The following CACNG8 variants were observed in gnomAD, a reference collection of about 807,000 sequenced individuals.
CACNG8 encodes the protein calcium voltage-gated channel auxiliary subunit gamma 8.
CACNG8 carries 5 observed loss-of-function variants against 26.9 expected under a neutral mutation model. The ratio of observed to expected loss-of-function variants is 0.19; its 90% CI spans 0.10 to 0.39. The LOEUF (loss-of-function observed/expected upper bound fraction) is 0.39. CACNG8 is among the 10% of genes least tolerant of loss of function. The pLI is 1.00. For synonymous variants in CACNG8, 321 were observed against 296.7 expected (o/e 1.08, Z -0.84); for missense variants, 473 against 609.4 (o/e 0.78, Z 2.36).
chr19:53,982,385 C>CGCCGCTCCCGCT lies in CACNG8; in HGVS notation c.815_826dup (p.Arg275_Ser276insCysArgSerArg). 1 of 1,529,218 alleles carries CGCCGCTCCCGCT rather than the reference C, an allele frequency of 6.5e-7. No homozygotes were observed. The highest frequency in any genetic ancestry group is 8.7e-7 in the Non-Finnish European group (1 of 1,143,788). 94.7% of individuals were successfully genotyped at this position (1,529,218 alleles called of 1,614,324 possible). On this transcript the variant is annotated inframe_insertion, in exon 4 of 4. Transcript: ENST00000270458. The surrounding 1 kb of genome is among the most constrained non-coding windows in gnomAD (Gnocchi z 8.4). ...GCCCAGTTACCGCTTCCGCTACCGCCGCCGCTCCCGCTCTAGCTCCCGCTC... is the reference window on the plus strand; with the variant it reads ...GCCCAGTTACCGCTTCCGCTACCGCCGCCGCTCCCGCTGCCGCTCCCGCTCTAGCTCCCGCTC...
chr19:53,979,259 G>T (rs978687879), intron 2 of CACNG8, among the ~76,000 whole-genome samples: 19 of 146,390 alleles, frequency 1.3e-4, no homozygotes, highest in African/African-American at 4.8e-4. Flanking sequence ...GGAGAGAGGG[G>T]AGACAGAGCC....
chr19:53,981,935 G>GGGGGTCTAGACCACTCGGGGT (rs1384667549), intron 3 of CACNG8, 145 bp from the exon 4 acceptor site: 1 of 758,748 alleles, frequency 1.3e-6, no homozygotes, highest in African/African-American at 1.9e-5. Flanking sequence ...GATCCAGGAC[G>GGGGGTCTAGACCACTCGGGGT]GGGGTCTAGA....
At chr19:53,977,418 C>T (rs911106706) in intron 1 of CACNG8, among the ~76,000 whole-genome samples, 1 of 152,084 alleles carries the variant, frequency 6.6e-6, no homozygotes, top group Non-Finnish European at 1.5e-5. Context: ...TAACTGTTCC[C>T]AAGGATGAGA....
At position 53,982,599 on chromosome 19, in the gene CACNG8, CCGGGGGCGG is replaced by C. The variant is rs911237293; in HGVS notation, c.1032_1040del (p.Gly350_Gly352del). 1.1e-5 allele frequency: 11 copies of C among 964,550 alleles called. No individual in the cohort carries two copies. Among genetic ancestry groups the C allele is most frequent in the African/African-American group, 1.8e-5 (1 of 56,168 alleles). The allele number at this position is 964,550 out of a possible 1,614,324, so 59.7% of individuals were successfully genotyped here. On this transcript the variant is annotated inframe_deletion, in exon 4 of 4. Coordinates refer to ENST00000270458, the MANE Select transcript of CACNG8 (RefSeq NM_031895.6). This position sits in a 1 kb window ranked among gnomAD's most constrained non-coding sequence, Gnocchi z 8.4. ...GCGTTCGGCGGCGCGGCCGGGGGCG[CCGGGGGCGG>C]CGGCGGAGGCGGCGGCGGGGCGGGT...
In CACNG8 at chr19:53,963,346, CG is replaced by C. The variant is rs765329910; in HGVS notation, c.209del (p.Gly70AlafsTer27). The C allele has an allele frequency of 1.3e-6, 2 of 1,595,340 alleles. No homozygotes were observed. The highest frequency in any genetic ancestry group is 1.4e-5 in the African/African-American group (1 of 73,972). ...GCGGCGACGACGGGACCCCCCACCG[CG>C]GGGGCGGCGGCGCCTCGGAGAAGAA... On this transcript the variant is annotated frameshift_variant, in exon 1 of 4. Transcript: ENST00000270458. LOFTEE classifies it high-confidence loss of function.
rs537726556 is a variant in CACNG8 at position 53,971,176 on chromosome 19, C to T, written c.284-6970C>T. ...GTGCAGTGGTGGGCAACTGTAATTCCAGCTACTCGGGAGGCTGAGGCAGGA... is the reference window on the plus strand; with the variant it reads ...GTGCAGTGGTGGGCAACTGTAATTCTAGCTACTCGGGAGGCTGAGGCAGGA... On this transcript the variant is annotated intron_variant, in intron 1 of 3. Transcript: ENST00000270458. 9.9e-5 allele frequency among the ~76,000 whole-genome samples: 15 copies of T among 151,362 alleles called. No individual in the cohort carries two copies. The South Asian group carries it at 2.9e-3, about 29-fold the overall frequency.
rs1210930168 is a variant in CACNG8 at position 53,982,741 on chromosome 19, GCCCGCGCCCGCGCCA to G, written c.1180_1194del (p.Ala394_Pro398del). 3 of 1,164,872 alleles carry G rather than the reference GCCCGCGCCCGCGCCA, an allele frequency of 2.6e-6. No homozygotes were observed. The highest frequency in any genetic ancestry group is 4.7e-5 in the Admixed American group (1 of 21,486). The allele number at this position is 1,164,872 out of a possible 1,614,324, so 72.2% of individuals were successfully genotyped here. ...TCACGGTCACCGGGCCGCCCGCCCC[GCCCGCGCCCGCGCCA>G]CCCGCGCCCTCTGCGCCCGCCCCCG... On this transcript the variant is annotated inframe_deletion, in exon 4 of 4. Coordinates refer to ENST00000270458, the MANE Select transcript of CACNG8 (RefSeq NM_031895.6). This position sits in a 1 kb window ranked among gnomAD's most constrained non-coding sequence, Gnocchi z 8.4.
At position 53,963,909 on chromosome 19, in the gene CACNG8, C is replaced by T. The variant is rs555892774; in HGVS notation, c.283+484C>T. ...CTCGAATCCCTAGGCTCAAGCCATC[C>T]TCCCACCTCTGCCTCCTGAGTAGCT... On this transcript the variant is annotated intron_variant, in intron 1 of 3. Coordinates refer to ENST00000270458, the MANE Select transcript of CACNG8 (RefSeq NM_031895.6). Among the ~76,000 whole-genome samples the T allele has an allele frequency of 1.6e-4, 25 of 151,658 alleles. 1 individual carries two copies. The highest frequency in any genetic ancestry group is 5.6e-4 in the African/African-American group (23 of 41,326).
rs1222011310 is a variant in CACNG8 at position 53,982,519 on chromosome 19, C to T, written c.948C>T (p.Gly316=). The T allele has an allele frequency of 1.5e-6, 2 of 1,366,254 alleles. No individual in the cohort carries two copies. The highest frequency in any genetic ancestry group is 1.5e-5 in the African/African-American group (1 of 64,978). The allele number at this position is 1,366,254 out of a possible 1,614,324, so 84.6% of individuals were successfully genotyped here. ...CGCTCAGCCGCGACCCCTCCAAGGG[C>T]AGCGTGGCCGCGGGGCTGGCGGGGG... is the stretch of plus-strand genomic sequence containing the variant. The change falls in exon 4 of 4, where the codon GGC becomes GGT. Residue 316 remains glycine (G), a synonymous_variant. Transcript: ENST00000270458. The surrounding 1 kb of genome is among the most constrained non-coding windows in gnomAD (Gnocchi z 8.4).
intron 1 of CACNG8, among the ~76,000 whole-genome samples, chr19:53,972,031 C>T (rs1421792274): frequency 6.6e-6 from 1 of 152,160 alleles, no homozygotes; most frequent in Non-Finnish European, 1.5e-5. Context: ...GTCCCCCAGG[C>T]TGGAGTGCGC....
intron 1 of CACNG8, among the ~76,000 whole-genome samples, chr19:53,973,494 G>A (rs952841921): frequency 6.6e-6 from 1 of 152,212 alleles, no homozygotes; most frequent in African/African-American, 2.4e-5. Context: ...ATGCACTCCA[G>A]CCTGGGAAAC....
chr19:53,980,098 G>T, intron 3 of CACNG8, 91 bp downstream of exon 3: 1 of 1,312,034 alleles, frequency 7.6e-7, no homozygotes, highest in Non-Finnish European at 1.0e-6. Flanking sequence ...GCGCGCGCGC[G>T]TGAGTGCAAG....
At position 53,983,040 on chromosome 19, in the gene CACNG8, A is replaced by G. The variant is rs1288750078; in HGVS notation, c.*191A>G. 8.2e-6 allele frequency: 1 copy of G among 121,770 alleles called. No individual in the cohort carries two copies. The highest frequency in any genetic ancestry group is 1.5e-5 in the Non-Finnish European group (1 of 66,660). The allele number at this position is 121,770 out of a possible 1,614,324, so 7.5% of individuals were successfully genotyped here. ...GGGACCCCGAGGGAGGGGGCAGGGG[A>G]GGGAGGGGGCCGCTGTGAGGGAGCG... is the stretch of plus-strand genomic sequence containing the variant. On this transcript the variant is annotated 3_prime_UTR_variant, in exon 4 of 4. Coordinates refer to ENST00000270458, the MANE Select transcript of CACNG8 (RefSeq NM_031895.6).
chr19:53,979,803 G>A, intron 2 of CACNG8, 64 bp from the exon 3 acceptor site: 5 of 1,497,844 alleles, frequency 3.3e-6, no homozygotes, highest in Non-Finnish European at 4.5e-6. Context: ...CGGGAAGGGG[G>A]CGCAGGCGGC....
Position 53,982,609 on chromosome 19 carries a change from C to T in CACNG8, c.1038C>T (p.Gly346=), listed in dbSNP as rs1351555793. ...GCGCGGCCGGGGGCGCCGGGGGCGG[C>T]GGCGGAGGCGGCGGCGGGGCGGGTG... The change falls in exon 4 of 4, where the codon GGC becomes GGT. Residue 346 remains glycine, a synonymous_variant. Coordinates refer to ENST00000270458, the MANE Select transcript of CACNG8 (RefSeq NM_031895.6). This position sits in a 1 kb window ranked among gnomAD's most constrained non-coding sequence, Gnocchi z 8.4. 1.2e-5 allele frequency: 12 copies of T among 974,578 alleles called. No individual in the cohort carries two copies. Among genetic ancestry groups the T allele is most frequent in the Non-Finnish European group, 1.3e-5 (11 of 822,314 alleles). 60.4% of individuals were successfully genotyped at this position (974,578 alleles called of 1,614,324 possible). A position where few individuals can be genotyped will look rare whatever the true frequency, so the allele number is the denominator to read the frequency against.
chr19:53,980,085 T>C (rs12979538), intron 3 of CACNG8, 78 bp downstream of exon 3: 599,483 of 992,866 alleles, frequency 0.6, 165,106 homozygotes, highest in East Asian at 0.74. Flanking sequence ...TGTGTGTGTG[T>C]GCGCGCGCGC....
At position 53,984,275 on chromosome 19, in the gene CACNG8, C is replaced by A. The variant is rs1369351791; in HGVS notation, c.*1426C>A. 1 of 152,236 alleles carries A rather than the reference C, an allele frequency of 6.6e-6. No homozygotes were observed. The highest frequency in any genetic ancestry group is 2.4e-5 in the African/African-American group (1 of 41,444). 9.4% of individuals were successfully genotyped at this position (152,236 alleles called of 1,614,324 possible). A position where few individuals can be genotyped will look rare whatever the true frequency, so the allele number is the denominator to read the frequency against. On this transcript the variant is annotated 3_prime_UTR_variant, in exon 4 of 4. Coordinates refer to ENST00000270458, the MANE Select transcript of CACNG8 (RefSeq NM_031895.6). ...AGGATCCAGATCCCCAGGGGTGAAA[C>A]AGACTCTAGCCCTGCTCTCAAGCAG...
At chr19:53,977,939 T>G (rs1184718571) in intron 1 of CACNG8, among the ~76,000 whole-genome samples, 1 of 152,192 alleles carries the variant, frequency 6.6e-6, no homozygotes, top group Middle Eastern at 3.2e-3. Context: ...GCTTTTCTTC[T>G]TTTCTTTAAC....
intron 1 of CACNG8, among the ~76,000 whole-genome samples, chr19:53,969,223 CA>C (rs1363443438): frequency 6.6e-6 from 1 of 151,992 alleles, no homozygotes; most frequent in Non-Finnish European, 1.5e-5. Context: ...AGGCTGATCT[CA>C]AACTCCGGCC....
Sources: gnomAD v4.1 joint callset for allele counts (sites outside exome capture counted in the v4.1 genomes callset) on GRCh38, gnomAD v4.1.1 for gene constraint, Gnocchi (gnomAD v3.1) non-coding constraint, MANE v1.5 for transcripts, NCBI Gene and HGNC (gene_info 2026-07-23, HGNC 2026-07-21) for gene names.